Variants in MYH6 observed in about 807,000 individuals in gnomAD.
MYH6 encodes the protein myosin heavy chain 6.
MYH6 carries 126 observed loss-of-function variants against 223.2 expected under a neutral mutation model. The ratio of observed to expected loss-of-function variants is 0.56; its 90% CI spans 0.49 to 0.65. The LOEUF is 0.65. MYH6 is among the 30% of genes least tolerant of loss of function. MYH6 has a pLI of 0.00. For missense variants in MYH6, 2,040 were observed against 2,536.4 expected (o/e 0.80, Z 4.20); for synonymous variants, 978 against 1,010.2 (o/e 0.97, Z 0.61).
chr14:23,404,479 T>TG, intron 7 of MYH6, 91 bp from the exon 8 acceptor site: 1 of 1,488,934 alleles, frequency 6.7e-7, no homozygotes, highest in Non-Finnish European at 9.4e-7. Context: ...CCCTGAGGAA[T>TG]GGGGGTGCGG....
Position 23,400,736 on chromosome 14 carries a change from C to G in MYH6, c.1383G>C (p.Leu461=), listed in dbSNP as rs1057523926. Residue 461 remains leucine, a synonymous_variant, in exon 13 of 39, where the codon CTG becomes CTC. Coordinates refer to ENST00000405093, the MANE Select transcript of MYH6 (RefSeq NM_002471.4). ...KQPRQYFIGV[L]DIAGFEIFDF... is the part of the protein sequence containing the mutation. ...CGAAGATCTCGAAGCCAGCGATGTC[C>G]AGGACTCCTATGAAGTACTGGCGTG... is the stretch of plus-strand genomic sequence containing the variant. 1 of 1,614,268 alleles carries G rather than the reference C, an allele frequency of 6.2e-7. No homozygotes were observed. The highest frequency in any genetic ancestry group is 1.3e-5 in the African/African-American group (1 of 75,074).
Position 23,394,066 on chromosome 14 carries a change from A to G in MYH6, c.2685+2T>C, listed in dbSNP as rs111956421. 1 of 1,613,998 alleles carries G rather than the reference A, an allele frequency of 6.2e-7. No homozygotes were observed. The highest frequency in any genetic ancestry group is 8.5e-7 in the Non-Finnish European group (1 of 1,180,038). On this transcript the variant is annotated splice_donor_variant, in intron 21 of 38. Transcript: ENST00000405093. LOFTEE classifies it high-confidence loss of function. ...GCTGAAGAGATAATCACGTGGCCTC[A>G]CCGCCTGCACTTGGAGCTGCAGGTC...
intron 31 of MYH6, 51 bp from the exon 32 acceptor site, chr14:23,387,704 G>C (rs769073339): frequency 1.9e-6 from 3 of 1,614,058 alleles, no homozygotes; most frequent in South Asian, 2.2e-5. Context: ...CCCTGCCCCT[G>C]CATGGCCCTC....
At chr14:23,404,646 A>G in intron 7 of MYH6, 65 bp downstream of exon 7, 1 of 1,460,222 alleles carries the variant, frequency 6.8e-7, no homozygotes, top group Non-Finnish European at 9.6e-7. Context: ...GGGGAGGGTT[A>G]GGGGTAACTC....
intron 22 of MYH6, 70 bp downstream of exon 22, chr14:23,393,596 G>T: frequency 1.2e-6 from 2 of 1,614,070 alleles, no homozygotes. Flanking sequence ...CCATGCCAAG[G>T]ACCAGGACAA....
At chr14:23,389,233 A>G (rs1891150164) in intron 28 of MYH6, among the ~76,000 whole-genome samples, 160 bp downstream of exon 28, 1 of 152,224 alleles carries the variant, frequency 6.6e-6, no homozygotes. Context: ...ACGAATAAGA[A>G]AAGAGGCATT....
intron 29 of MYH6, 182 bp from the exon 30 acceptor site, chr14:23,388,520 C>A: frequency 9.6e-7 from 1 of 1,038,922 alleles, no homozygotes; most frequent in Non-Finnish European, 1.5e-6. Context: ...AGGCGTCCTC[C>A]CTACCTGCAG....
chr14:23,383,341 G>GGGGGGGCGCCCCCCCCCCC, intron 36 of MYH6, 21 bp from the exon 37 acceptor site: 1 of 556,580 alleles, frequency 1.8e-6, no homozygotes, highest in Non-Finnish European at 3.3e-6. Context: ...GAGGGTGGGA[G>GGGGGGGCGCCCCCCCCCCC]AAGCTGGTTT....
intron 35 of MYH6, 37 bp from the exon 36 acceptor site, chr14:23,384,754 A>AGGGGCC: frequency 6.2e-7 from 1 of 1,614,078 alleles, no homozygotes. Flanking sequence ...AACATGGGCC[A>AGGGGCC]GGGGCCGGGG....
In MYH6 at chr14:23,388,154, C is replaced by T. The variant is rs1891097148; in HGVS notation, c.4359+1G>A. ...GGCTGCGGCCCCCGCCCATGGTCCACCTTGTCAAAGTTTCTCTGCTTCTTG... is the reference window on the plus strand; with the variant it reads ...GGCTGCGGCCCCCGCCCATGGTCCATCTTGTCAAAGTTTCTCTGCTTCTTG... On this transcript the variant is annotated splice_donor_variant, in intron 30 of 38. Coordinates refer to ENST00000405093, the MANE Select transcript of MYH6 (RefSeq NM_002471.4). LOFTEE classifies it high-confidence loss of function. The T allele has an allele frequency of 6.2e-7, 1 of 1,612,174 alleles. No homozygotes were observed. Among genetic ancestry groups the T allele is most frequent in the Non-Finnish European group, 8.5e-7 (1 of 1,180,032 alleles).
chr14:23,404,529 TC>T (rs1438537420), intron 7 of MYH6, 141 bp from the exon 8 acceptor site: 10 of 1,153,154 alleles, frequency 8.7e-6, no homozygotes, highest in African/African-American at 1.5e-5. Flanking sequence ...CTCCACAGGA[TC>T]CTACCCAGAC....
chr14:23,389,072 G>GCCC lies in MYH6; in HGVS notation c.3979-18_3979-17insGGG. On this transcript the variant is annotated splice_polypyrimidine_tract_variant and intron_variant, in intron 28 of 38. Coordinates refer to ENST00000405093, the MANE Select transcript of MYH6 (RefSeq NM_002471.4). ...GTTCTTCGCCTGGGGAGGGGGGGGG[G>GCCC]CACCAGGAGGTGGGAGGGACTCCCT... 563 of 1,130,660 alleles carry GCCC rather than the reference G, an allele frequency of 5.0e-4. No homozygotes were observed. The highest frequency in any genetic ancestry group is 6.7e-4 in the Non-Finnish European group (519 of 769,986). 70.0% of individuals were successfully genotyped at this position (1,130,660 alleles called of 1,614,324 possible).
At chr14:23,391,817 G>A (rs1337685864) in intron 25 of MYH6, among the ~76,000 whole-genome samples, 1 of 152,204 alleles carries the variant, frequency 6.6e-6, no homozygotes, top group East Asian at 1.9e-4. Flanking sequence ...GTTCATTAAA[G>A]CTAAGGGAGA....
Position 23,407,023 on chromosome 14 carries a change from C to T in MYH6, c.201G>A (p.Lys67=), listed in dbSNP as rs757559746. The T allele has an allele frequency of 1.9e-6, 3 of 1,614,168 alleles. No individual in the cohort carries two copies. Among genetic ancestry groups the T allele is most frequent in the South Asian group, 1.1e-5 (1 of 91,064 alleles). ...GKVIAETENG[K]TVTVKEDQVL... is the part of the protein sequence containing the mutation. ...TGCCCCGGCGCCATGCCCTACTCAC[C>T]TTCCCATTCTCGGTTTCAGCAATGA... The change falls in exon 3 of 39, where the codon AAG becomes AAA. Residue 67 remains lysine (K), a splice_region_variant and synonymous_variant. Coordinates refer to ENST00000405093, the MANE Select transcript of MYH6 (RefSeq NM_002471.4). This position sits in a 1 kb window ranked among gnomAD's most constrained non-coding sequence, Gnocchi z 5.6.
Position 23,393,032 on chromosome 14 carries a change from T to G in MYH6, c.3131A>C (p.Lys1044Thr). 1 of 1,614,238 alleles carries G rather than the reference T, an allele frequency of 6.2e-7. No homozygotes were observed. The highest frequency in any genetic ancestry group is 1.1e-5 in the South Asian group (1 of 91,086). Residue 1044 changes from lysine (K) to threonine (T), a missense_variant, in exon 24 of 39, where the codon AAG becomes ACG. Around this residue, in one of 4 missense-constraint regions of MYH6, gnomAD observed 1,203 missense variants for 1,400.2 expected, o/e 0.86. Coordinates refer to ENST00000405093, the MANE Select transcript of MYH6 (RefSeq NM_002471.4). ...TCGCTCCAGGTCCATGCGCACCTTC[T>G]TCTCTTGCTCTAGGGATCCCTCCAG... ...DDLEGSLEQEKKVRMDLERAK... is the reference protein window; with the variant it reads ...DDLEGSLEQETKVRMDLERAK...
chr14:23,404,462 G>A (rs946162561), intron 7 of MYH6, 74 bp from the exon 8 acceptor site: 1 of 1,558,592 alleles, frequency 6.4e-7, no homozygotes, highest in South Asian at 1.1e-5. Flanking sequence ...CAGGGAGGCT[G>A]CCCTGGCCCT....
Position 23,405,035 on chromosome 14 carries a change from A to G in MYH6, c.530+65T>C. 6.2e-7 allele frequency: 1 copy of G among 1,609,428 alleles called. No homozygotes were observed. Among genetic ancestry groups the G allele is most frequent in the East Asian group, 2.2e-5 (1 of 44,812 alleles). On this transcript the variant is annotated intron_variant, in intron 6 of 38. Transcript: ENST00000405093. This position sits in a 1 kb window ranked among gnomAD's most constrained non-coding sequence, Gnocchi z 4.7. The stretch of plus-strand genomic sequence containing the variant: ...GCCTTAAACCTCTCCTCCCAACTAC[A>G]CCCTAGGCATCAGCGTGTATGCCCC...
At chr14:23,386,762 C>A (rs1031733796) in intron 32 of MYH6, 139 bp from the exon 33 acceptor site, 6 of 1,065,988 alleles carry the variant, frequency 5.6e-6, no homozygotes, top group South Asian at 1.6e-5. Flanking sequence ...GGGATCTGCA[C>A]CCCATGCCCA....
At chr14:23,404,431 C>T (rs1453888117) in intron 7 of MYH6, 43 bp from the exon 8 acceptor site, 2 of 1,608,640 alleles carry the variant, frequency 1.2e-6, no homozygotes, top group Non-Finnish European at 1.7e-6. Flanking sequence ...CTCCATCCAC[C>T]TCCAGGCAGT....
Sources: gnomAD v4.1 joint callset for allele counts (sites outside exome capture counted in the v4.1 genomes callset) on GRCh38, gnomAD v4.1.1 for gene constraint, gnomAD v4.1.1 regional missense constraint, Gnocchi (gnomAD v3.1) non-coding constraint, MANE v1.5 for transcripts, NCBI Gene and HGNC (gene_info 2026-07-23, HGNC 2026-07-21) for gene names.